The following TOGARAM2 variants were observed in gnomAD, a reference collection of about 807,000 sequenced individuals.
TOGARAM2 encodes TOG array regulator of axonemal microtubules protein 2.
A neutral mutation model predicts 93.3 loss-of-function variants in TOGARAM2; 85 were observed. The observed-to-expected ratio is 0.91, with a 90% CI of 0.76 to 1.09. The LOEUF is 1.09. TOGARAM2 is among the 50% of genes least tolerant of loss of function. The probability of loss-of-function intolerance (pLI) is 0.00; values close to 1 mark genes in which losing one functional copy is unlikely to be tolerated. For missense variants in TOGARAM2, 1,277 were observed against 1,334.5 expected (o/e 0.96, Z 0.67); for synonymous variants, 593 against 552.8 (o/e 1.07, Z -1.02).
chr2:29,015,657 A>C (rs1296210150), intron 8 of TOGARAM2, among the ~76,000 whole-genome samples: 1 of 152,158 alleles, frequency 6.6e-6, no homozygotes, highest in South Asian at 2.1e-4. Context: ...AATGACCTTC[A>C]TCTTCCCAAA....
Position 29,036,476 on chromosome 2 carries a change from C to T in TOGARAM2, c.2419-65C>T. On this transcript the variant is annotated intron_variant, in intron 17 of 19. Coordinates refer to ENST00000379558, the MANE Select transcript of TOGARAM2 (RefSeq NM_199280.4). ...TTGGGCCAGGTGAGCTCCAAGCTGC[C>T]TGCACTGTGGGAGTCCTGCCCAGCC... is the stretch of plus-strand genomic sequence containing the variant. The T allele has an allele frequency of 3.3e-6, 5 of 1,533,768 alleles. No homozygotes were observed. The South Asian group carries it at 5.7e-5, about 17-fold the overall frequency.
chr2:28,959,476 G>A (rs1192812060), intron 1 of TOGARAM2, among the ~76,000 whole-genome samples: 3 of 152,142 alleles, frequency 2.0e-5, no homozygotes, highest in East Asian at 1.9e-4. Context: ...AGTATAGGCC[G>A]GGTGCGGTGG....
chr2:29,005,084 ATGTG>A (rs1184620791), intron 6 of TOGARAM2, among the ~76,000 whole-genome samples: 1 of 86,036 alleles, frequency 1.2e-5, no homozygotes, highest in African/African-American at 4.4e-5. Context: ...GTGCATGTGT[ATGTG>A]TGAGTGCATG....
At chr2:29,009,289 G>T (rs1664073527) in intron 6 of TOGARAM2, among the ~76,000 whole-genome samples, 1 of 152,176 alleles carries the variant, frequency 6.6e-6, no homozygotes, top group South Asian at 2.1e-4. Context: ...CTGCGGGGTG[G>T]GGGTGAAGGG....
chr2:29,029,044 T>C (rs1193449656), intron 14 of TOGARAM2, among the ~76,000 whole-genome samples: 1 of 152,208 alleles, frequency 6.6e-6, no homozygotes, highest in African/African-American at 2.4e-5. Context: ...TGGAAAACAG[T>C]GTGGAGATTC....
At chr2:28,991,871 G>A (rs1435653745) in intron 1 of TOGARAM2, among the ~76,000 whole-genome samples, 1 of 152,214 alleles carries the variant, frequency 6.6e-6, no homozygotes, top group Non-Finnish European at 1.5e-5. Flanking sequence ...GGGAGGAGGG[G>A]ACAACGGTTA....
chr2:28,999,962 C>T (rs573665008), intron 4 of TOGARAM2, among the ~76,000 whole-genome samples: 82 of 152,062 alleles, frequency 5.4e-4, no homozygotes, highest in African/African-American at 1.9e-3. Flanking sequence ...CACCCCTCCT[C>T]CGTTTCCCAC....
In TOGARAM2 at chr2:28,997,563, A is replaced by G. The variant is rs570444362; in HGVS notation, c.29-580A>G. Among the ~76,000 whole-genome samples, 17 of 152,258 alleles carry G rather than the reference A, an allele frequency of 1.1e-4. No homozygotes were observed. In the South Asian group the frequency reaches 3.5e-3, roughly 32 times the overall value. On this transcript the variant is annotated intron_variant, in intron 2 of 19. Coordinates refer to ENST00000379558, the MANE Select transcript of TOGARAM2 (RefSeq NM_199280.4). ...TCACAAATCTCTGTGTCGCGGATAG[A>G]GGGTGTCTTTTGCTGAGCCGAGGGA...
rs752874730 is a variant in TOGARAM2 at position 29,002,714 on chromosome 2, G to A, written c.606G>A (p.Pro202=). ...GCCTGGACCTACCGGGGAGCATTCC[G>A]GGTCCTCACGAGTTGAGACCCGGTG... ...EKGLDLPGSI[P]GPHELRPGAQ... Residue 202 remains proline, a synonymous_variant, in exon 5 of 20, where the codon CCG becomes CCA. Transcript: ENST00000379558. 4.5e-5 allele frequency: 72 copies of A among 1,613,692 alleles called. 1 individual carries two copies. Among genetic ancestry groups the A allele is most frequent in the South Asian group, 5.5e-5 (5 of 91,032 alleles).
At chr2:29,051,680 G>C (rs891322492) in intron 19 of TOGARAM2, 76 bp from the exon 20 acceptor site, 192 of 1,267,232 alleles carry the variant, frequency 1.5e-4, no homozygotes, top group Non-Finnish European at 1.9e-4. Context: ...GGGGGACAAA[G>C]TTGGTGTCCC....
rs117862187 is a variant in TOGARAM2 at position 29,007,021 on chromosome 2, C to T, written c.830+3339C>T. On this transcript the variant is annotated intron_variant, in intron 6 of 19. Transcript: ENST00000379558. ...CCTGACTTTATACCTGCTTCTCGAC[C>T]TTCCAGGCAGCTTCCTGTGTGCCCT... Among the ~76,000 whole-genome samples the T allele has an allele frequency of 5.9e-5, 9 of 152,314 alleles. No individual in the cohort carries two copies. The East Asian group carries it at 1.7e-3, about 29-fold the overall frequency.
At chr2:28,983,410 A>G (rs1474325813) in intron 1 of TOGARAM2, among the ~76,000 whole-genome samples, 1 of 151,778 alleles carries the variant, frequency 6.6e-6, no homozygotes, top group African/African-American at 2.4e-5. Context: ...AAGTAGGGGC[A>G]TACCCTGTGT....
In TOGARAM2 at chr2:29,033,481, A is replaced by G. The variant is rs185690145; in HGVS notation, c.2143A>G (p.Asn715Asp). The G allele has an allele frequency of 5.6e-6, 9 of 1,613,254 alleles. No homozygotes were observed. The East Asian group carries it at 2.0e-4, about 36-fold the overall frequency. Residue 715 changes from asparagine (N) to aspartate (D), a missense_variant, in exon 16 of 20, where the codon AAT (asparagine) becomes GAT (aspartate). Asn to Asp is a conservative substitution (Grantham distance 23, BLOSUM62 1). Transcript: ENST00000379558. ...GTATTTTTTCAAGGGAATAGAAGAT[A>G]ATGATGAACTTCCCTCTGCCAAAGG... is the stretch of plus-strand genomic sequence containing the variant. ...AAIKQQGIEDNDELPSAKGRK... is the reference protein window; with the variant it reads ...AAIKQQGIEDDDELPSAKGRK...
At chr2:29,022,661 G>A (rs1198804199) in intron 11 of TOGARAM2, among the ~76,000 whole-genome samples, 1 of 152,208 alleles carries the variant, frequency 6.6e-6, no homozygotes, top group Non-Finnish European at 1.5e-5. Context: ...AATTGAATCT[G>A]CTCCGAGCGC....
intron 1 of TOGARAM2, among the ~76,000 whole-genome samples, chr2:28,994,259 G>A (rs897687479): frequency 2.0e-5 from 3 of 152,200 alleles, no homozygotes; most frequent in African/African-American, 7.2e-5. Context: ...GGTCATGACC[G>A]CGCATCCTGA....
chr2:28,962,053 C>G (rs1671810654), intron 1 of TOGARAM2, among the ~76,000 whole-genome samples: 1 of 151,930 alleles, frequency 6.6e-6, no homozygotes, highest in African/African-American at 2.4e-5. Context: ...GCCTATTATT[C>G]TTCCAGAAAT....
chr2:29,006,084 T>C (rs1663780059), intron 6 of TOGARAM2, among the ~76,000 whole-genome samples: 1 of 85,384 alleles, frequency 1.2e-5, no homozygotes. Flanking sequence ...AGAGCACGTG[T>C]GTGTGTGTGG....
intron 17 of TOGARAM2, among the ~76,000 whole-genome samples, chr2:29,035,962 T>C (rs1193529286): frequency 6.6e-6 from 1 of 152,048 alleles, no homozygotes; most frequent in East Asian, 1.9e-4. Flanking sequence ...TGCATCATGT[T>C]TGGGGGCAGA....
At chr2:29,033,688 T>A in intron 16 of TOGARAM2, 125 bp downstream of exon 16, 1 of 797,966 alleles carries the variant, frequency 1.3e-6, no homozygotes, top group South Asian at 1.9e-5. Flanking sequence ...GAGACCTAGT[T>A]GGGGCTGCAA....
Sources: allele counts gnomAD v4.1 joint callset (sites outside exome capture counted in the v4.1 genomes callset), GRCh38; gene constraint gnomAD v4.1.1; transcripts MANE v1.5; gene names NCBI Gene and HGNC (gene_info 2026-07-23, HGNC 2026-07-21).